The following CTNNA2 variants were observed in gnomAD, a reference collection of about 807,000 sequenced individuals.
CTNNA2 encodes the protein catenin alpha-2.
In CTNNA2, 42 loss-of-function variants were observed where a neutral mutation model predicts 101.0. The observed-to-expected ratio is 0.42, with a 90% CI of 0.32 to 0.54. The LOEUF is 0.54. Ranked by LOEUF, CTNNA2 falls within the 20% of genes least tolerant of loss-of-function variation. The probability of loss-of-function intolerance (pLI) is 0.14; values close to 1 mark genes in which losing one functional copy is unlikely to be tolerated. For synonymous variants in CTNNA2, 450 were observed against 456.4 expected (o/e 0.99, Z 0.18); for missense variants, 871 against 1,223.1 (o/e 0.71, Z 4.29).
At chr2:80,145,429 G>T (rs1487652697) in intron 7 of CTNNA2, among the ~76,000 whole-genome samples, 1 of 152,132 alleles carries the variant, frequency 6.6e-6, no homozygotes, top group Non-Finnish European at 1.5e-5. Context: ...TCCAGAACTA[G>T]CCACTAGCCA....
intron 14 of CTNNA2, among the ~76,000 whole-genome samples, chr2:80,583,867 T>C (rs1162175266): frequency 2.0e-5 from 3 of 152,190 alleles, no homozygotes; most frequent in Non-Finnish European, 4.4e-5. Context: ...TCTGAGAGTT[T>C]TTTTCAGCAT....
chr2:80,412,491 A>C (rs957471193), intron 8 of CTNNA2, among the ~76,000 whole-genome samples: 1 of 152,230 alleles, frequency 6.6e-6, no homozygotes, highest in African/African-American at 2.4e-5. Flanking sequence ...CAAAGAAATG[A>C]ATTGAAATGG....
chr2:80,036,617 A>G (rs950803509), intron 7 of CTNNA2, among the ~76,000 whole-genome samples: 1 of 152,112 alleles, frequency 6.6e-6, no homozygotes, highest in African/African-American at 2.4e-5. Context: ...TGAAAAAAAT[A>G]GGAACAAAAG....
At chr2:80,572,449 T>C (rs545053863) in intron 12 of CTNNA2, among the ~76,000 whole-genome samples, 148 of 152,314 alleles carry the variant, frequency 9.7e-4, no homozygotes, top group Non-Finnish European at 1.6e-3. Context: ...AAAGCTCCCT[T>C]GTAGTATTAC....
intron 7 of CTNNA2, among the ~76,000 whole-genome samples, chr2:80,008,200 A>G (rs752020947): frequency 2.0e-5 from 3 of 152,134 alleles, no homozygotes; most frequent in Non-Finnish European, 2.9e-5. Context: ...AAGCTTATGT[A>G]CTTTTGCAGT....
intron 3 of CTNNA2, among the ~76,000 whole-genome samples, chr2:79,372,969 T>C (rs1306917386): frequency 2.0e-5 from 3 of 152,164 alleles, no homozygotes; most frequent in Non-Finnish European, 2.9e-5. Flanking sequence ...CTGGGAAATA[T>C]AGCTCCCTAC....
intron 8 of CTNNA2, among the ~76,000 whole-genome samples, chr2:80,409,856 A>G (rs1042082358): frequency 1.3e-5 from 2 of 151,814 alleles, no homozygotes; most frequent in African/African-American, 4.8e-5. Context: ...TAGATCCATT[A>G]TTTCTCTTGA....
chr2:80,578,213 A>G (rs921729312), intron 13 of CTNNA2, among the ~76,000 whole-genome samples: 18 of 150,752 alleles, frequency 1.2e-4, no homozygotes, highest in Admixed American at 1.1e-3. Flanking sequence ...TACAGATATG[A>G]CCCACTTCCA....
At chr2:79,626,685 G>A (rs777759100) in intron 1 of CTNNA2, among the ~76,000 whole-genome samples, 18 of 150,398 alleles carry the variant, frequency 1.2e-4, no homozygotes, top group Non-Finnish European at 2.2e-4. Flanking sequence ...GAAAGGTGTG[G>A]GAAATGAATA....
At chr2:79,284,709 G>A (rs1053395996) in intron 2 of CTNNA2, among the ~76,000 whole-genome samples, 2 of 150,640 alleles carry the variant, frequency 1.3e-5, no homozygotes, top group Admixed American at 6.6e-5. Flanking sequence ...AAGGATATTG[G>A]TCTAAAATTC....
chr2:79,238,404 GAT>G (rs1193004562), intron 2 of CTNNA2, among the ~76,000 whole-genome samples: 1 of 152,000 alleles, frequency 6.6e-6, no homozygotes, highest in Non-Finnish European at 1.5e-5. Context: ...CACCATAACA[GAT>G]ATAAAAATAA....
chr2:79,921,072 C>T (rs13000179), intron 7 of CTNNA2, among the ~76,000 whole-genome samples: 16,815 of 152,140 alleles, frequency 0.11, 993 homozygotes, highest in Non-Finnish European at 0.13. Flanking sequence ...AGAGATACAT[C>T]GACAGAAGAC....
intron 18 of CTNNA2, among the ~76,000 whole-genome samples, chr2:80,643,615 C>A (rs1250234433): frequency 6.6e-6 from 1 of 152,090 alleles, no homozygotes; most frequent in African/African-American, 2.4e-5. Context: ...TAATTCAGGT[C>A]AGCTTGAGGA....
At chr2:80,068,629 C>T (rs1698129413) in intron 7 of CTNNA2, among the ~76,000 whole-genome samples, 1 of 152,156 alleles carries the variant, frequency 6.6e-6, no homozygotes, top group Non-Finnish European at 1.5e-5. Context: ...GTATTTTTTA[C>T]TTGATACTGA....
At chr2:79,491,914 G>T (rs144760056) in intron 4 of CTNNA2, among the ~76,000 whole-genome samples, 1 of 152,164 alleles carries the variant, frequency 6.6e-6, no homozygotes, top group African/African-American at 2.4e-5. Flanking sequence ...TGATTGTAAG[G>T]ACATCTGGGA....
chr2:79,803,908 G>A (rs1018733576), intron 3 of CTNNA2, among the ~76,000 whole-genome samples: 2 of 152,190 alleles, frequency 1.3e-5, no homozygotes, highest in Non-Finnish European at 2.9e-5. Context: ...ATTTTATAGG[G>A]TAGGAAGATG....
Position 79,441,096 on chromosome 2 carries a change from A to G in CTNNA2, c.-134-63958A>G, listed in dbSNP as rs190242045. ...AACTGACTGTTACAAAGGTATTCAC[A>G]CCCCCAGAATGGAGCAGTTCACTTC... On this transcript the variant is annotated intron_variant, in intron 4 of 21. Transcript: ENST00000466387. Among the ~76,000 whole-genome samples, 5 of 152,186 alleles carry G rather than the reference A, an allele frequency of 3.3e-5. 1 individual carries two copies. The highest frequency in any genetic ancestry group is 7.2e-5 in the African/African-American group (3 of 41,524).
At chr2:80,259,263 C>T (rs751574435) in intron 7 of CTNNA2, among the ~76,000 whole-genome samples, 7 of 152,154 alleles carry the variant, frequency 4.6e-5, no homozygotes, top group Non-Finnish European at 1.0e-4. Context: ...ACATTGACCC[C>T]ATTTATTCCA....
chr2:80,090,311 C>T (rs1699719021), intron 7 of CTNNA2, among the ~76,000 whole-genome samples: 1 of 151,702 alleles, frequency 6.6e-6, no homozygotes, highest in Non-Finnish European at 1.5e-5. Context: ...CTTGTGCAGG[C>T]CCCTGTGGTC....
Sources: allele counts gnomAD v4.1 joint callset (sites outside exome capture counted in the v4.1 genomes callset), GRCh38; gene constraint gnomAD v4.1.1; transcripts MANE v1.5; gene names NCBI Gene and HGNC (gene_info 2026-07-23, HGNC 2026-07-21).